Variants in KCP observed in about 807,000 individuals in gnomAD.
KCP encodes the protein kielin cysteine rich BMP regulator.
KCP carries 194 observed loss-of-function variants against 212.7 expected under a neutral mutation model. That is an observed-to-expected ratio of 0.91 (90% CI 0.81 to 1.03). KCP has a LOEUF of 1.03. KCP is among the 50% of genes least tolerant of loss of function. The pLI, the probability that KCP is intolerant of heterozygous loss-of-function variation, is 0.00. For missense variants in KCP, 2,080 were observed against 2,162.5 expected (o/e 0.96, Z 0.76); for synonymous variants, 833 against 865.3 (o/e 0.96, Z 0.65).
chr7:128,888,599 C>G (rs1462323995), intron 22 of KCP, among the ~76,000 whole-genome samples: 1 of 149,896 alleles, frequency 6.7e-6, no homozygotes, highest in East Asian at 2.0e-4. Flanking sequence ...CACAGAGCCA[C>G]ACACACACAG....
At chr7:128,885,634 A>T (rs958081211) in intron 26 of KCP, among the ~76,000 whole-genome samples, 1 of 144,332 alleles carries the variant, frequency 6.9e-6, no homozygotes, top group Admixed American at 6.9e-5. Flanking sequence ...AAGGTAACTC[A>T]GTCTCTCCGG....
Position 128,907,121 on chromosome 7 carries a change from AGGCATCTGGG to A in KCP, c.456_465del (p.Pro153AlafsTer63). The A allele has an allele frequency of 6.4e-7, 1 of 1,551,440 alleles. No individual in the cohort carries two copies. Among genetic ancestry groups the A allele is most frequent in the Non-Finnish European group, 8.7e-7 (1 of 1,146,894 alleles). ...CTTACCAGACAGCGGCAGGTGGTGC[AGGCATCTGGG>A]GAGAAGGTCTCCCCGTTGCCGTAGG... On this transcript the variant is annotated frameshift_variant, in exon 4 of 40. Coordinates refer to ENST00000610776, the MANE Select transcript of KCP (RefSeq NM_001366122.1). LOFTEE classifies it high-confidence loss of function.
intron 8 of KCP, among the ~76,000 whole-genome samples, chr7:128,896,851 A>C (rs1794555754): frequency 7.4e-6 from 1 of 135,474 alleles, no homozygotes; most frequent in East Asian, 2.4e-4. Flanking sequence ...AGATGGCGCC[A>C]TTTCACTCCA....
At chr7:128,904,622 G>A (rs1345399516) in intron 5 of KCP, among the ~76,000 whole-genome samples, 1 of 152,218 alleles carries the variant, frequency 6.6e-6, no homozygotes, top group Admixed American at 6.5e-5. Context: ...CAGGGATGTG[G>A]GTGGTGGCTG....
At chr7:128,908,145 A>AAGAG (rs1179159002) in intron 2 of KCP, among the ~76,000 whole-genome samples, 1 of 134,888 alleles carries the variant, frequency 7.4e-6, no homozygotes, top group Non-Finnish European at 1.5e-5. Flanking sequence ...AAAAAAAAGA[A>AAGAG]AGAGAGAGAG....
intron 8 of KCP, among the ~76,000 whole-genome samples, chr7:128,901,625 CA>C (rs373249414): frequency 0.1 from 14,505 of 142,200 alleles, 2,141 homozygotes; most frequent in African/African-American, 0.33. Flanking sequence ...GACTCCGCCT[CA>C]AAAAAAAAAA....
intron 8 of KCP, among the ~76,000 whole-genome samples, chr7:128,900,988 G>A (rs1356919796): frequency 3.3e-5 from 5 of 152,206 alleles, no homozygotes; most frequent in African/African-American, 4.8e-5. Flanking sequence ...GGCATTCTAA[G>A]TCACAGGATG....
chr7:128,878,588 G>A lies in KCP; in HGVS notation c.4281C>T (p.Pro1427=). ...AGCTATTCCCAAACGCAGCCTCCGAGGGCAGGAGCAGCCCCTCAGGGCCCT... is the reference window on the plus strand; with the variant it reads ...AGCTATTCCCAAACGCAGCCTCCGAAGGCAGGAGCAGCCCCTCAGGGCCCT... ...DLQGPEGLLL[P]SEAAFGNSWQ... The change falls in exon 38 of 40, where the codon CCC becomes CCT. Residue 1427 remains proline (P), a synonymous_variant. Transcript: ENST00000610776. The A allele has an allele frequency of 6.4e-7, 1 of 1,551,412 alleles. No homozygotes were observed. Among genetic ancestry groups the A allele is most frequent in the Non-Finnish European group, 8.7e-7 (1 of 1,146,932 alleles).
intron 23 of KCP, 121 bp from the exon 24 acceptor site, chr7:128,887,087 C>T (rs1793700059): frequency 1.9e-6 from 2 of 1,065,180 alleles, no homozygotes; most frequent in Non-Finnish European, 2.8e-6. Flanking sequence ...TGAGCCCAGT[C>T]CTGTCCCATG....
In KCP at chr7:128,880,066, CT is replaced by C; in HGVS notation, c.3778del (p.Ser1260ValfsTer55). 6.5e-7 allele frequency: 1 copy of C among 1,544,984 alleles called. No individual in the cohort carries two copies. ...GCAGCGGGGGCAGCAGCTGCCAGGACTCAGGGCAGGGGCCTTGTCCTGCACT... is the reference window on the plus strand; with the variant it reads ...GCAGCGGGGGCAGCAGCTGCCAGGACCAGGGCAGGGGCCTTGTCCTGCACT... ...SCGPDKAPAL[S>X]PGSCCPRCLP... On this transcript the variant is annotated frameshift_variant, in exon 35 of 40. Transcript: ENST00000610776. LOFTEE classifies it high-confidence loss of function.
Position 128,893,816 on chromosome 7 carries a change from A to T in KCP, c.1089T>A (p.Pro363=). ...HPGKIPGQCC[P]VCDGCEYQGH... ...CCGGCCCCCACTCACCATCGCAGAC[A>T]GGGCAGCACTGCCCAGGGATCTTGC... Residue 363 remains proline, a synonymous_variant, in exon 11 of 40, where the codon CCT becomes CCA. Coordinates refer to ENST00000610776, the MANE Select transcript of KCP (RefSeq NM_001366122.1). 1 of 1,550,856 alleles carries T rather than the reference A, an allele frequency of 6.4e-7. No individual in the cohort carries two copies.
At chr7:128,880,338 T>C in intron 34 of KCP, 48 bp downstream of exon 34, 4 of 1,473,912 alleles carry the variant, frequency 2.7e-6, no homozygotes, top group Non-Finnish European at 3.6e-6. Flanking sequence ...GGCGGTACCA[T>C]GTGCCCCCAC....
intron 7 of KCP, chr7:128,903,408 T>A (rs1794960485): frequency 2.5e-6 from 1 of 406,312 alleles, no homozygotes; most frequent in African/African-American, 2.0e-5. Context: ...TGCATTAGTG[T>A]ATGACTCAGT....
chr7:128,894,885 G>A (rs1794423849), intron 8 of KCP, among the ~76,000 whole-genome samples: 1 of 152,174 alleles, frequency 6.6e-6, no homozygotes, highest in Non-Finnish European at 1.5e-5. Flanking sequence ...TGGGTTTACA[G>A]GTGTGAGCCA....
intron 5 of KCP, 112 bp downstream of exon 5, chr7:128,906,167 G>A: frequency 1.1e-6 from 1 of 870,196 alleles, no homozygotes; most frequent in Non-Finnish European, 1.9e-6. Flanking sequence ...CACTGTCAGA[G>A]TGAGTGGGTA....
chr7:128,878,639 G>A lies in KCP; in HGVS notation c.4230C>T (p.Phe1410=). 1.3e-6 allele frequency: 2 copies of A among 1,551,394 alleles called. No homozygotes were observed. Among genetic ancestry groups the A allele is most frequent in the Non-Finnish European group, 1.7e-6 (2 of 1,147,004 alleles). ...GCAGATCGTCCTGGGCAAAGCCATTGAAGTTCCCACAGAGCCCACAAGTCC... is the reference window on the plus strand; with the variant it reads ...GCAGATCGTCCTGGGCAAAGCCATTAAAGTTCCCACAGAGCCCACAAGTCC... ...QGRTCGLCGN[F]NGFAQDDLQG... is the part of the protein sequence containing the mutation. The change falls in exon 38 of 40, where the codon TTC becomes TTT. Residue 1410 remains phenylalanine, a synonymous_variant. Transcript: ENST00000610776.
chr7:128,878,192 G>C (rs895766589), intron 38 of KCP, among the ~76,000 whole-genome samples: 1 of 152,018 alleles, frequency 6.6e-6, no homozygotes, highest in East Asian at 1.9e-4. Context: ...GAGTAGCTGG[G>C]ATTACAGGCA....
At chr7:128,890,077 A>G (rs1167431506) in intron 21 of KCP, 1 of 484,614 alleles carries the variant, frequency 2.1e-6, no homozygotes, top group African/African-American at 2.0e-5. Flanking sequence ...AGGCACCACG[A>G]CCAGCTGATT....
In KCP at chr7:128,880,614, C is replaced by A; in HGVS notation, c.3616+5G>T. ...TACCCCTCCCCCATCACCCTGGCTG[C>A]GCACCTTGGCATCGCTCACAGCAGC... On this transcript the variant is annotated splice_donor_5th_base_variant and intron_variant, in intron 33 of 39. Coordinates refer to ENST00000610776, the MANE Select transcript of KCP (RefSeq NM_001366122.1). The A allele has an allele frequency of 8.1e-7, 1 of 1,227,508 alleles. No individual in the cohort carries two copies. 76.0% of individuals were successfully genotyped at this position (1,227,508 alleles called of 1,614,324 possible).
Sources: gnomAD v4.1 joint callset for allele counts (sites outside exome capture counted in the v4.1 genomes callset) on GRCh38, gnomAD v4.1.1 for gene constraint, MANE v1.5 for transcripts, NCBI Gene and HGNC (gene_info 2026-07-23, HGNC 2026-07-21) for gene names.